NUAK1: variants seen among roughly 807,000 people sequenced by gnomAD.
The protein encoded by NUAK1 is NUAK family SNF1-like kinase 1.
Under a neutral mutation model 56.9 loss-of-function variants are expected in NUAK1, and 26 were observed. The ratio of observed to expected loss-of-function variants is 0.46; its 90% CI spans 0.33 to 0.63. NUAK1 has a LOEUF of 0.63. Among genes scored for constraint, NUAK1 ranks in the 30% least tolerant of loss-of-function variants. NUAK1 has a pLI of 0.02. For synonymous variants in NUAK1, 337 were observed against 336.0 expected (o/e 1.00, Z -0.03); for missense variants, 727 against 876.1 (o/e 0.83, Z 2.15).
At position 106,066,730 on chromosome 12, in the gene NUAK1, C is replaced by G. The variant is rs368184595; in HGVS notation, c.*72G>C. The stretch of plus-strand genomic sequence containing the variant: ...GTTGTCACAGCCAGCAAAGAGGTAA[C>G]CAGCCTGTGAGCCCAAGTCTTGCTC... On this transcript the variant is annotated 3_prime_UTR_variant, in exon 7 of 7. Transcript: ENST00000261402. The G allele has an allele frequency of 8.0e-6, 10 of 1,255,200 alleles. No homozygotes were observed. Among genetic ancestry groups the G allele is most frequent in the East Asian group, 2.3e-5 (1 of 43,090 alleles). 77.8% of individuals were successfully genotyped at this position (1,255,200 alleles called of 1,614,324 possible). A position where few individuals can be genotyped will look rare whatever the true frequency, so the allele number is the denominator to read the frequency against.
intron 4 of NUAK1, among the ~76,000 whole-genome samples, chr12:106,074,264 T>G (rs547871287): frequency 6.6e-6 from 1 of 152,282 alleles, no homozygotes; most frequent in Non-Finnish European, 1.5e-5. Context: ...AATAATAAAC[T>G]TAGTTGCCAC....
intron 1 of NUAK1, among the ~76,000 whole-genome samples, chr12:106,134,277 A>G (rs2033107648): frequency 6.6e-6 from 1 of 152,226 alleles, no homozygotes; most frequent in Non-Finnish European, 1.5e-5. Flanking sequence ...CGTGCATGTG[A>G]CGTCAACACA....
intron 2 of NUAK1, among the ~76,000 whole-genome samples, chr12:106,091,280 GA>G (rs1394490570): frequency 6.6e-6 from 1 of 152,176 alleles, no homozygotes; most frequent in Non-Finnish European, 1.5e-5. Context: ...GAATGGTAAG[GA>G]AAACTATGGC....
At position 106,067,069 on chromosome 12, in the gene NUAK1, G is replaced by A. The variant is rs762018898; in HGVS notation, c.1719C>T (p.Ser573=). 26 of 1,614,020 alleles carry A rather than the reference G, an allele frequency of 1.6e-5. No homozygotes were observed. In the East Asian group the frequency reaches 4.5e-4, roughly 28 times the overall value. Reference sequence around the variant, plus strand: ...AGTCGCTGGACAGCACGCTGTCATCGCTGATGACACTGGAAGGGCGGCTGT... The same window carrying A: ...AGTCGCTGGACAGCACGCTGTCATCACTGATGACACTGGAAGGGCGGCTGT... The part of the protein sequence containing the change: ...RSYSRPSSVI[S]DDSVLSSDSF... Residue 573 remains serine (S), a synonymous_variant, in exon 7 of 7, where the codon AGC becomes AGT. Coordinates refer to ENST00000261402, the MANE Select transcript of NUAK1 (RefSeq NM_014840.3). The surrounding 1 kb of genome is among the most constrained non-coding windows in gnomAD (Gnocchi z 6.0).
intron 4 of NUAK1, among the ~76,000 whole-genome samples, chr12:106,073,817 CAA>C (rs535364958): frequency 6.9e-6 from 1 of 144,344 alleles, no homozygotes; most frequent in Non-Finnish European, 1.5e-5. Flanking sequence ...GATTCAATCT[CAA>C]AAAAAAAAAT....
chr12:106,085,956 C>T (rs1472213224), intron 3 of NUAK1, among the ~76,000 whole-genome samples: 1 of 152,212 alleles, frequency 6.6e-6, no homozygotes, highest in Non-Finnish European at 1.5e-5. Context: ...ATCCTCCCCC[C>T]TCAGCCTCCC....
intron 2 of NUAK1, among the ~76,000 whole-genome samples, chr12:106,091,295 T>C (rs2032632649): frequency 1.3e-5 from 2 of 152,154 alleles, no homozygotes; most frequent in African/African-American, 4.8e-5. Context: ...CTATGGCCCT[T>C]GACATGCCAG....
At chr12:106,128,734 A>T (rs1409230140) in intron 1 of NUAK1, among the ~76,000 whole-genome samples, 1 of 152,168 alleles carries the variant, frequency 6.6e-6, no homozygotes, top group Non-Finnish European at 1.5e-5. Flanking sequence ...TTGAGCCCTA[A>T]GCCACTCACC....
chr12:106,094,398 T>A (rs1255653406), intron 2 of NUAK1, among the ~76,000 whole-genome samples: 1 of 152,262 alleles, frequency 6.6e-6, no homozygotes, highest in African/African-American at 2.4e-5. Context: ...TTTGAAAGAC[T>A]GTCTGCAAAC....
intron 1 of NUAK1, among the ~76,000 whole-genome samples, chr12:106,137,676 A>AC (rs953883549): frequency 1.3e-4 from 20 of 152,186 alleles, no homozygotes; most frequent in Admixed American, 4.6e-4. Context: ...GCGGGGCCAG[A>AC]CCCCTTCAGC....
chr12:106,110,801 G>T (rs2032851133), intron 1 of NUAK1, among the ~76,000 whole-genome samples: 1 of 152,250 alleles, frequency 6.6e-6, no homozygotes, highest in African/African-American at 2.4e-5. Context: ...GCAGCAGCAG[G>T]TTTGGTGGAG....
chr12:106,085,970 T>C (rs1378893897), intron 3 of NUAK1, among the ~76,000 whole-genome samples: 3 of 152,256 alleles, frequency 2.0e-5, no homozygotes, highest in African/African-American at 7.2e-5. Flanking sequence ...GCCTCCCAAC[T>C]AGCTTGGATT....
chr12:106,103,787 G>A (rs748278818), intron 2 of NUAK1, among the ~76,000 whole-genome samples: 7 of 152,276 alleles, frequency 4.6e-5, no homozygotes, highest in Non-Finnish European at 8.8e-5. Context: ...TGCTGTTCTC[G>A]TGATAGTGAG....
chr12:106,069,798 T>C (rs1319106783), intron 6 of NUAK1, among the ~76,000 whole-genome samples: 3 of 152,168 alleles, frequency 2.0e-5, no homozygotes, highest in East Asian at 1.9e-4. Flanking sequence ...GATATACATA[T>C]ATATATATGC....
chr12:106,104,416 C>T (rs2032781293), intron 2 of NUAK1, among the ~76,000 whole-genome samples: 1 of 152,148 alleles, frequency 6.6e-6, no homozygotes, highest in South Asian at 2.1e-4. Flanking sequence ...GTGTGGGGTC[C>T]ATATCACATT....
intron 1 of NUAK1, among the ~76,000 whole-genome samples, chr12:106,114,238 C>T (rs1351019478): frequency 6.6e-6 from 1 of 152,178 alleles, no homozygotes; most frequent in Non-Finnish European, 1.5e-5. Flanking sequence ...GGTTGTGCAA[C>T]TTTTATTTAT....
At chr12:106,135,309 A>C (rs1409932753) in intron 1 of NUAK1, among the ~76,000 whole-genome samples, 1 of 152,216 alleles carries the variant, frequency 6.6e-6, no homozygotes, top group African/African-American at 2.4e-5. Flanking sequence ...GGTCTCACGG[A>C]CATGCTTTAG....
intron 1 of NUAK1, among the ~76,000 whole-genome samples, chr12:106,114,527 T>C (rs1229068674): frequency 6.6e-6 from 1 of 152,214 alleles, no homozygotes; most frequent in Non-Finnish European, 1.5e-5. Context: ...AGGACTGTTA[T>C]CATGAGTAGA....
chr12:106,106,382 TAA>T (rs11338561), intron 2 of NUAK1, 21 bp downstream of exon 2: 5,648 of 775,632 alleles, frequency 7.3e-3, no homozygotes, highest in South Asian at 0.017. Context: ...ATATGGGGGT[TAA>T]AAAAAAAAAA....
Sources: allele counts gnomAD v4.1 joint callset (sites outside exome capture counted in the v4.1 genomes callset), GRCh38; gene constraint gnomAD v4.1.1; non-coding constraint Gnocchi (gnomAD v3.1); transcripts MANE v1.5; gene names NCBI Gene and HGNC (gene_info 2026-07-23, HGNC 2026-07-21).